Variants in ABCB1 observed in about 807,000 individuals in gnomAD.
ABCB1 encodes ATP-dependent translocase ABCB1.
In ABCB1, 69 loss-of-function variants were observed where a neutral mutation model predicts 142.0. The observed-to-expected ratio is 0.49, with a 90% CI of 0.40 to 0.59. The LOEUF (loss-of-function observed/expected upper bound fraction) is 0.59, where lower values mean the gene tolerates loss of function less well. Ranked by LOEUF, ABCB1 falls within the 20% of genes least tolerant of loss-of-function variation. The pLI, the probability that ABCB1 is intolerant of heterozygous loss-of-function variation, is 0.00. For missense variants in ABCB1, 1,326 were observed against 1,554.7 expected, an observed-to-expected ratio of 0.85 and a Z score of 2.47; for synonymous variants, 532 against 539.2, an observed-to-expected ratio of 0.99 and a Z score of 0.18.
chr7:87,546,474 G>C (rs28381910), intron 14 of ABCB1, among the ~76,000 whole-genome samples: 2 of 151,494 alleles, frequency 1.3e-5, no homozygotes, highest in Non-Finnish European at 2.9e-5. Context: ...TGTAGTCCCC[G>C]CTACTTGGGA....
Position 87,615,444 on chromosome 7 carries a change from T to C in ABCB1, c.-330-14366A>G, listed in dbSNP as rs561948165. ...AGGATGTGTAGGCTATCTTGAGGAC[T>C]TCGTCACTCTGAGTGAGAGAGAAAA... On this transcript the variant is annotated intron_variant, in intron 1 of 28. Coordinates refer to the ABCB1 transcript ENST00000265724. Among the ~76,000 whole-genome samples, 5 of 152,322 alleles carry C rather than the reference T, an allele frequency of 3.3e-5. No individual in the cohort carries two copies. In the South Asian group the frequency reaches 1.0e-3, roughly 32 times the overall value.
chr7:87,549,692 C>G (rs1816960100), intron 13 of ABCB1, among the ~76,000 whole-genome samples, 159 bp downstream of exon 13: 1 of 152,192 alleles, frequency 6.6e-6, no homozygotes, highest in Non-Finnish European at 1.5e-5. Context: ...TATCTACGAC[C>G]AGTTGATACT....
intron 3 of ABCB1, among the ~76,000 whole-genome samples, chr7:87,589,635 ATTGT>A (rs1818902452): frequency 6.6e-6 from 1 of 151,960 alleles, no homozygotes; most frequent in Non-Finnish European, 1.5e-5. Flanking sequence ...AAATTTAAAA[ATTGT>A]TTGGGTGTGA....
chr7:87,699,707 T>C (rs965303335), intron 1 of ABCB1, among the ~76,000 whole-genome samples: 2 of 152,126 alleles, frequency 1.3e-5, no homozygotes, highest in African/African-American at 4.8e-5. Context: ...TGCCCAACCA[T>C]AGAAATATTA....
intron 2 of ABCB1, 60 bp downstream of exon 2, chr7:87,600,057 G>T: frequency 6.8e-7 from 1 of 1,462,226 alleles, no homozygotes; most frequent in Non-Finnish European, 9.5e-7. Context: ...CTGGAGGCTA[G>T]AAATAAATTA....
chr7:87,509,219 A>G (rs781704407), intron 26 of ABCB1, 56 bp downstream of exon 26: 12 of 1,576,648 alleles, frequency 7.6e-6, no homozygotes, highest in South Asian at 5.5e-5. Context: ...AAATCAAACT[A>G]TAGGCCAGAG....
rs1457191518 is a variant in ABCB1 at position 87,504,285 on chromosome 7, A to G, written c.3801T>C (p.Tyr1267=). Residue 1267 remains tyrosine, a synonymous_variant, in exon 28 of 28, where the codon TAT becomes TAC. Transcript: ENST00000622132. The part of the protein sequence containing the change: ...HQQLLAQKGI[Y]FSMVSVQAGT... Reference sequence around the variant, plus strand: ...CAGCCTGGACACTGACCATTGAAAAATAGATGCCTTTCTGTGCCAGCAGCT... The same window carrying G: ...CAGCCTGGACACTGACCATTGAAAAGTAGATGCCTTTCTGTGCCAGCAGCT... The G allele has an allele frequency of 1.2e-6, 2 of 1,613,992 alleles. No homozygotes were observed. Among genetic ancestry groups the G allele is most frequent in the Non-Finnish European group, 1.7e-6 (2 of 1,180,032 alleles).
chr7:87,649,207 T>C (rs978899079), intron 1 of ABCB1, among the ~76,000 whole-genome samples: 2 of 151,966 alleles, frequency 1.3e-5, no homozygotes, highest in African/African-American at 4.8e-5. Context: ...ATAGTGGTTA[T>C]ATGAATCTAC....
At chr7:87,675,775 T>C (rs1002825454) in intron 1 of ABCB1, among the ~76,000 whole-genome samples, 1 of 151,366 alleles carries the variant, frequency 6.6e-6, no homozygotes, top group Non-Finnish European at 1.5e-5. Context: ...AATTAAATAA[T>C]TTAACATAAG....
intron 1 of ABCB1, among the ~76,000 whole-genome samples, chr7:87,638,388 C>A (rs1210796132): frequency 1.4e-5 from 2 of 141,780 alleles, no homozygotes; most frequent in Non-Finnish European, 3.0e-5. Flanking sequence ...TGTTTCCTCC[C>A]CTGTTCTGTA....
chr7:87,581,563 C>A (rs1201854074), intron 4 of ABCB1, among the ~76,000 whole-genome samples: 1 of 151,992 alleles, frequency 6.6e-6, no homozygotes, highest in Non-Finnish European at 1.5e-5. Context: ...TATAATTAAA[C>A]CAGAGATAGA....
intron 4 of ABCB1, among the ~76,000 whole-genome samples, chr7:87,581,485 A>G (rs545588693): frequency 5.9e-5 from 9 of 152,224 alleles, no homozygotes; most frequent in Non-Finnish European, 8.8e-5. Context: ...AAAAAGTGAT[A>G]TGACAGAATC....
chr7:87,627,879 G>A (rs1338565412), intron 1 of ABCB1: 1 of 152,304 alleles, frequency 6.6e-6, no homozygotes, highest in Non-Finnish European at 1.5e-5. Flanking sequence ...TGGTGTGGAG[G>A]GGCAAGAAAT....
intron 1 of ABCB1, among the ~76,000 whole-genome samples, chr7:87,653,035 G>T (rs2130388815): frequency 6.6e-6 from 1 of 152,100 alleles, no homozygotes; most frequent in Middle Eastern, 3.4e-3. Flanking sequence ...GTGAAGAGCT[G>T]AGACAGTTAC....
intron 20 of ABCB1, among the ~76,000 whole-genome samples, chr7:87,532,802 C>A (rs896097721): frequency 1.3e-5 from 2 of 152,144 alleles, no homozygotes; most frequent in Non-Finnish European, 2.9e-5. Context: ...TCTGTGGATT[C>A]GCCTTGAATT....
chr7:87,518,267 C>G (rs569306140), intron 23 of ABCB1, among the ~76,000 whole-genome samples: 1 of 152,202 alleles, frequency 6.6e-6, no homozygotes, highest in Non-Finnish European at 1.5e-5. Flanking sequence ...GGACCTTTTT[C>G]TAATGCACTG....
chr7:87,700,160 C>G (rs1273208386), intron 1 of ABCB1, among the ~76,000 whole-genome samples: 1 of 151,936 alleles, frequency 6.6e-6, no homozygotes, highest in Non-Finnish European at 1.5e-5. Flanking sequence ...AGTGTCTAGT[C>G]CCTTTCATTT....
rs537941264 is a variant in ABCB1, at chr7:87,642,275, T to C, written c.-330-41197A>G. 2.6e-5 allele frequency among the ~76,000 whole-genome samples: 4 copies of C among 152,214 alleles called. No homozygotes were observed. The South Asian group carries it at 8.3e-4, about 32-fold the overall frequency. On this transcript the variant is annotated intron_variant, in intron 1 of 28. Transcript: ENST00000265724. ...TTGCATAGACAGAAACTGGGACCTTTCATTTTCGTAGCATTCTAGTGTTGA... is the reference window on the plus strand; with the variant it reads ...TTGCATAGACAGAAACTGGGACCTTCCATTTTCGTAGCATTCTAGTGTTGA...
Position 87,521,541 on chromosome 7 carries a change from C to T in ABCB1, c.2686-665G>A, listed in dbSNP as rs190846593. ...GAGGTTGAGCTCTACATTGGTTGACCAATGAGAGCCTGAGGAGCCATTTTG... is the reference window on the plus strand; with the variant it reads ...GAGGTTGAGCTCTACATTGGTTGACTAATGAGAGCCTGAGGAGCCATTTTG... On this transcript the variant is annotated intron_variant, in intron 21 of 27. Transcript: ENST00000622132. The T allele has an allele frequency of 7.9e-6, 6 of 756,420 alleles. No individual in the cohort carries two copies. The East Asian group carries it at 1.5e-4, about 19-fold the overall frequency. The allele number at this position is 756,420 out of a possible 1,614,324, so 46.9% of individuals were successfully genotyped here.
Sources: gnomAD v4.1 joint callset for allele counts (sites outside exome capture counted in the v4.1 genomes callset) on GRCh38, gnomAD v4.1.1 for gene constraint, MANE v1.5 for transcripts, NCBI Gene and HGNC (gene_info 2026-07-23, HGNC 2026-07-21) for gene names.